GRM5: variants seen among roughly 807,000 people sequenced by gnomAD.
GRM5 encodes metabotropic glutamate receptor 5.
A neutral mutation model predicts 83.1 loss-of-function variants in GRM5; 19 were observed. The ratio of observed to expected loss-of-function variants is 0.23; its 90% CI spans 0.16 to 0.34. The LOEUF (loss-of-function observed/expected upper bound fraction) is 0.34. GRM5 is among the 10% of genes least tolerant of loss of function. The pLI, the probability that GRM5 is intolerant of heterozygous loss-of-function variation, is 1.00. For missense variants in GRM5, 1,160 were observed against 1,588.3 expected, an observed-to-expected ratio of 0.73 and a Z score of 4.58; for synonymous variants, 675 against 633.6, an observed-to-expected ratio of 1.07 and a Z score of -0.98.
chr11:88,550,282 A>G (rs1291136265), intron 8 of GRM5, among the ~76,000 whole-genome samples: 1 of 152,198 alleles, frequency 6.6e-6, no homozygotes, highest in Admixed American at 6.6e-5. Context: ...AAGTATTTCT[A>G]CTAGGTAGGT....
rs112162224 is a variant in GRM5 at position 88,555,624 on chromosome 11, G to A, written c.2630+11429C>T. On this transcript the variant is annotated intron_variant, in intron 8 of 9. Coordinates refer to ENST00000305447, the MANE Select transcript of GRM5 (RefSeq NM_001143831.3). ...ATTAGTTTGTATTTCTGGCTGTGCC[G>A]TTTTAACTCAGCAGAGGGGGAGTCA... 3.1e-3 allele frequency among the ~76,000 whole-genome samples: 470 copies of A among 152,188 alleles called. 7 individuals carry two copies. The highest frequency in any genetic ancestry group is 0.01 in the African/African-American group (435 of 41,528).
At chr11:88,574,739 C>A (rs976610216) in intron 7 of GRM5, among the ~76,000 whole-genome samples, 1 of 152,108 alleles carries the variant, frequency 6.6e-6, no homozygotes. Context: ...TGCACTCCAG[C>A]CTGGGTGACA....
chr11:88,912,715 A>T (rs1460628461), intron 2 of GRM5, among the ~76,000 whole-genome samples: 1 of 152,182 alleles, frequency 6.6e-6, no homozygotes, highest in East Asian at 1.9e-4. Context: ...TCTCTTAAAG[A>T]TTTTCCAGTA....
intron 2 of GRM5, among the ~76,000 whole-genome samples, chr11:89,041,125 T>A (rs1458235028): frequency 4.6e-5 from 7 of 152,318 alleles, no homozygotes; most frequent in East Asian, 1.9e-4. Context: ...AGGGAAAACA[T>A]GCATGTGTGC....
At chr11:88,558,975 G>A (rs1270898802) in intron 8 of GRM5, among the ~76,000 whole-genome samples, 4 of 151,718 alleles carry the variant, frequency 2.6e-5, no homozygotes, top group Non-Finnish European at 5.9e-5. Flanking sequence ...CATAATAAAA[G>A]TTTATAATAA....
chr11:89,032,788 A>G (rs1941292129), intron 2 of GRM5, among the ~76,000 whole-genome samples: 1 of 152,020 alleles, frequency 6.6e-6, no homozygotes, highest in Non-Finnish European at 1.5e-5. Flanking sequence ...TCTGAATTCA[A>G]TGTCTGCACT....
intron 2 of GRM5, among the ~76,000 whole-genome samples, chr11:88,939,947 C>G (rs1389577214): frequency 4.0e-5 from 6 of 151,712 alleles, no homozygotes; most frequent in Non-Finnish European, 8.8e-5. Context: ...GTTGAAAGAT[C>G]AAAGTATATA....
intron 3 of GRM5, among the ~76,000 whole-genome samples, chr11:88,837,197 A>G (rs1378107135): frequency 6.6e-6 from 1 of 152,208 alleles, no homozygotes; most frequent in Non-Finnish European, 1.5e-5. Context: ...AGAAAAACAT[A>G]TTATCTTATA....
rs1945547702 is a variant in GRM5, at chr11:88,913,973, C to A, written c.662-63818G>T. Among the ~76,000 whole-genome samples, 3 of 152,156 alleles carry A rather than the reference C, an allele frequency of 2.0e-5. No individual in the cohort carries two copies. The South Asian group carries it at 6.2e-4, about 32-fold the overall frequency. Reference sequence around the variant, plus strand: ...TATTAATGGTTTCCTGCTGCTTCTGCTCCTTTAATCCTGATCACATACCAT... The same window carrying A: ...TATTAATGGTTTCCTGCTGCTTCTGATCCTTTAATCCTGATCACATACCAT... On this transcript the variant is annotated intron_variant, in intron 2 of 9. Coordinates refer to ENST00000305447, the MANE Select transcript of GRM5 (RefSeq NM_001143831.3).
intron 3 of GRM5, among the ~76,000 whole-genome samples, chr11:88,766,740 GA>G (rs1442782080): frequency 6.6e-6 from 1 of 151,678 alleles, no homozygotes; most frequent in Non-Finnish European, 1.5e-5. Context: ...AGAGCAAAAG[GA>G]ACTATCAACA....
intron 2 of GRM5, among the ~76,000 whole-genome samples, chr11:88,896,575 A>G (rs1033733647): frequency 6.6e-6 from 1 of 151,916 alleles, no homozygotes; most frequent in African/African-American, 2.4e-5. Context: ...AAGCAAAAAA[A>G]TCCCATAATC....
rs368156004 is a variant in GRM5, at chr11:88,940,205, A to G, written c.662-90050T>C. ...TTCCATAACTCTGAAGAAGAAACCAATTTTAATTTTCTTTGTGTTCTAGCA... is the reference window on the plus strand; with the variant it reads ...TTCCATAACTCTGAAGAAGAAACCAGTTTTAATTTTCTTTGTGTTCTAGCA... On this transcript the variant is annotated intron_variant, in intron 2 of 9. Transcript: ENST00000305447. 1.5e-4 allele frequency among the ~76,000 whole-genome samples: 23 copies of G among 151,566 alleles called. No individual in the cohort carries two copies. In the East Asian group the frequency reaches 4.1e-3, roughly 27 times the overall value.
intron 1 of GRM5, among the ~76,000 whole-genome samples, chr11:89,064,038 C>T (rs1456740776): frequency 2.0e-5 from 3 of 152,148 alleles, no homozygotes; most frequent in Non-Finnish European, 2.9e-5. Context: ...CATGGTAGGT[C>T]CCAGTTGTCT....
chr11:88,889,342 C>T (rs920226145), intron 2 of GRM5, among the ~76,000 whole-genome samples: 2 of 152,016 alleles, frequency 1.3e-5, no homozygotes, highest in African/African-American at 2.4e-5. Context: ...TGGACAAGGA[C>T]AGCTCGCAGG....
At chr11:88,969,249 T>C (rs1385220878) in intron 2 of GRM5, among the ~76,000 whole-genome samples, 6 of 152,098 alleles carry the variant, frequency 3.9e-5, no homozygotes, top group Non-Finnish European at 8.8e-5. Flanking sequence ...TGATTATATA[T>C]ATATGTATAT....
At chr11:88,528,913 G>T (rs1211338619) in intron 8 of GRM5, among the ~76,000 whole-genome samples, 4 of 151,906 alleles carry the variant, frequency 2.6e-5, no homozygotes, top group Admixed American at 2.6e-4. Flanking sequence ...GGGAGCCCAA[G>T]GTTAAAAATC....
chr11:88,807,492 C>T (rs1943517359), intron 3 of GRM5, among the ~76,000 whole-genome samples: 1 of 151,982 alleles, frequency 6.6e-6, no homozygotes, highest in South Asian at 2.1e-4. Context: ...GACTTTTGCT[C>T]AAATGGGAAG....
At chr11:88,729,998 A>G (rs1941771898) in intron 3 of GRM5, among the ~76,000 whole-genome samples, 1 of 152,348 alleles carries the variant, frequency 6.6e-6, no homozygotes, top group African/African-American at 2.4e-5. Context: ...AAACACCAAA[A>G]GCAATGGCAA....
At position 88,842,365 on chromosome 11, in the gene GRM5, C is replaced by G. The variant is rs548266387; in HGVS notation, c.911+7541G>C. Among the ~76,000 whole-genome samples, 3 of 152,258 alleles carry G rather than the reference C, an allele frequency of 2.0e-5. No homozygotes were observed. The South Asian group carries it at 6.2e-4, about 32-fold the overall frequency. On this transcript the variant is annotated intron_variant, in intron 3 of 9. Transcript: ENST00000305447. ...TCAAGGGTGAACTGTAGATTTCATT[C>G]TTCATTCCTTATTAGTTCAACTTCC...
Sources: gnomAD v4.1 joint callset for allele counts (sites outside exome capture counted in the v4.1 genomes callset) on GRCh38, gnomAD v4.1.1 for gene constraint, MANE v1.5 for transcripts, NCBI Gene and HGNC (gene_info 2026-07-23, HGNC 2026-07-21) for gene names.